ALDH18A1: variants seen among roughly 807,000 people sequenced by gnomAD.
ALDH18A1 encodes delta-1-pyrroline-5-carboxylate synthase.
A neutral mutation model predicts 88.8 loss-of-function variants in ALDH18A1; 44 were observed. The observed-to-expected ratio is 0.50, with a 90% confidence interval of 0.39 to 0.64. The LOEUF is 0.64. Among genes scored for constraint, ALDH18A1 ranks in the 30% least tolerant of loss-of-function variants. The pLI, the probability that ALDH18A1 is intolerant of heterozygous loss-of-function variation, is 0.00. For synonymous variants in ALDH18A1, 331 were observed against 372.1 expected (o/e 0.89, Z 1.27); for missense variants, 782 against 1,009.5 (o/e 0.77, Z 3.05).
intron 5 of ALDH18A1, among the ~76,000 whole-genome samples, chr10:95,633,871 C>G (rs1460513634): frequency 7.4e-6 from 1 of 134,904 alleles, no homozygotes; most frequent in African/African-American, 2.8e-5. Flanking sequence ...GGCCGTAATG[C>G]AGTGGCATAA....
chr10:95,642,152 G>T (rs757766680), intron 3 of ALDH18A1, among the ~76,000 whole-genome samples: 5 of 152,148 alleles, frequency 3.3e-5, no homozygotes, highest in Admixed American at 6.5e-5. Flanking sequence ...TTATCTGTGG[G>T]ATGCCTGGAT....
chr10:95,621,354 C>G (rs1488909538), intron 11 of ALDH18A1, 103 bp from the exon 12 acceptor site: 2 of 1,079,042 alleles, frequency 1.9e-6, no homozygotes, highest in Non-Finnish European at 2.7e-6. Context: ...GGGTCTCACT[C>G]TGACGCCCAG....
At position 95,637,147 on chromosome 10, in the gene ALDH18A1, C is replaced by T. The variant is rs2097882240; in HGVS notation, c.504G>A (p.Gly168=). Residue 168 remains glycine (G), a synonymous_variant, in exon 5 of 18, where the codon GGG becomes GGA. Coordinates refer to ENST00000371224, the MANE Select transcript of ALDH18A1 (RefSeq NM_002860.4). ...ACATAGCCTCATACAAGGCCATCAGCCCACTCTGTCCGGCAGCTGCACAGG... is the reference window on the plus strand; with the variant it reads ...ACATAGCCTCATACAAGGCCATCAGTCCACTCTGTCCGGCAGCTGCACAGG... The part of the protein sequence containing the change: ...ARACAAAGQS[G]LMALYEAMFT... 6.2e-7 allele frequency: 1 copy of T among 1,614,164 alleles called. No individual in the cohort carries two copies. Among genetic ancestry groups the T allele is most frequent in the Non-Finnish European group, 8.5e-7 (1 of 1,180,034 alleles).
intron 1 of ALDH18A1, among the ~76,000 whole-genome samples, chr10:95,655,824 A>G (rs1312432183): frequency 6.6e-6 from 1 of 152,206 alleles, no homozygotes; most frequent in African/African-American, 2.4e-5. Flanking sequence ...ATTTCTCAAT[A>G]TCTCTTTACA....
chr10:95,650,951 T>C lies in ALDH18A1; in HGVS notation c.88+2339A>G, dbSNP rs377737716. 5.9e-5 allele frequency among the ~76,000 whole-genome samples: 9 copies of C among 152,060 alleles called. No individual in the cohort carries two copies. In the East Asian group the frequency reaches 7.7e-4, roughly 13 times the overall value. On this transcript the variant is annotated intron_variant, in intron 2 of 17. Transcript: ENST00000371224. ...GAGTTTGACACCAGCCTGGCCAACA[T>C]GGTAAAACCCTGTTTCTACTAAAAA...
chr10:95,611,694 G>A (rs1427524468), intron 15 of ALDH18A1, among the ~76,000 whole-genome samples: 2 of 152,180 alleles, frequency 1.3e-5, no homozygotes, highest in African/African-American at 2.4e-5. Context: ...AAGGTGGGCC[G>A]GGCATGGTGG....
In ALDH18A1 at chr10:95,606,878, G is replaced by A; in HGVS notation, c.2272C>T (p.Leu758Phe). 6.2e-7 allele frequency: 1 copy of A among 1,614,178 alleles called. No homozygotes were observed. The highest frequency in any genetic ancestry group is 8.5e-7 in the Non-Finnish European group (1 of 1,180,024). Residue 758 changes from leucine to phenylalanine, a missense_variant, in exon 18 of 18, where the codon CTT becomes TTT. Around this residue, in one of 3 missense-constraint regions of ALDH18A1, gnomAD observed 556 missense variants for 654.5 expected, o/e 0.85. Coordinates refer to ENST00000371224, the MANE Select transcript of ALDH18A1 (RefSeq NM_002860.4). ...CCTCGCAGCAGCCACTTAGTAGTAA[G>A]CAGTCCCTCAAGTCCTACTGGTCCC... ...ARGPVGLEGL[L>F]TTKWLLRGKD...
At chr10:95,622,866 A>G (rs942457949) in intron 11 of ALDH18A1, among the ~76,000 whole-genome samples, 3 of 152,286 alleles carry the variant, frequency 2.0e-5, no homozygotes, top group South Asian at 4.1e-4. Context: ...AGTAGTATGC[A>G]TGATGTGATT....
At chr10:95,627,672 G>T in intron 8 of ALDH18A1, 86 bp from the exon 9 acceptor site, 1 of 1,509,054 alleles carries the variant, frequency 6.6e-7, no homozygotes, top group Non-Finnish European at 9.2e-7. Context: ...TAAAATACAA[G>T]TTGATATTGA....
Position 95,633,718 on chromosome 10 carries a change from C to T in ALDH18A1, c.559-69G>A, listed in dbSNP as rs11188409. The T allele has an allele frequency of 0.23, 364,947 of 1,557,438 alleles. 45,279 individuals carry two copies. The highest frequency in any genetic ancestry group is 0.52 in the East Asian group (22,816 of 43,552). On this transcript the variant is annotated intron_variant, in intron 5 of 17. Coordinates refer to ENST00000371224, the MANE Select transcript of ALDH18A1 (RefSeq NM_002860.4). Reference sequence around the variant, plus strand: ...GCTAAACTTCCCAGTATACAAAAGACGCTAAGAGCAGGGGAGTTAAACTTT... The same window carrying T: ...GCTAAACTTCCCAGTATACAAAAGATGCTAAGAGCAGGGGAGTTAAACTTT...
Position 95,642,982 on chromosome 10 carries a change from T to A in ALDH18A1, c.303+10A>T, listed in dbSNP as rs774979696. 5.1e-5 allele frequency: 83 copies of A among 1,612,776 alleles called. No homozygotes were observed. Among genetic ancestry groups the A allele is most frequent in the Non-Finnish European group, 7.0e-5 (82 of 1,179,854 alleles). ...TTTTAGTACAGCATAATTTCTATCT[T>A]GGCAATCACCTGCTCAACAATAGAT... is the stretch of plus-strand genomic sequence containing the variant. On this transcript the variant is annotated intron_variant, in intron 3 of 17. Transcript: ENST00000371224.
chr10:95,613,672 G>T (rs1424084948), intron 15 of ALDH18A1, 70 bp downstream of exon 15: 1 of 1,448,734 alleles, frequency 6.9e-7, no homozygotes, highest in Non-Finnish European at 9.6e-7. Context: ...TATATGGTAT[G>T]GCTGTGCCTG....
intron 17 of ALDH18A1, among the ~76,000 whole-genome samples, chr10:95,608,535 ACT>A (rs1244237701): frequency 1.3e-5 from 2 of 152,114 alleles, no homozygotes; most frequent in Non-Finnish European, 2.9e-5. Context: ...ATAGGGCCTC[ACT>A]CTCTCCCAGG....
intron 3 of ALDH18A1, among the ~76,000 whole-genome samples, chr10:95,641,882 T>A (rs1334454505): frequency 6.6e-6 from 1 of 152,082 alleles, no homozygotes; most frequent in Non-Finnish European, 1.5e-5. Context: ...GCTCAAGCAA[T>A]CCTTCTGCCT....
intron 17 of ALDH18A1, among the ~76,000 whole-genome samples, chr10:95,607,528 G>T (rs570376033): frequency 8.1e-6 from 1 of 123,102 alleles, no homozygotes; most frequent in Admixed American, 8.0e-5. Flanking sequence ...GTGGAGGCAG[G>T]GTTCCCTCAA....
At chr10:95,653,436 A>G (rs2097913512) in intron 1 of ALDH18A1, 31 bp from the exon 2 acceptor site, 2 of 1,549,372 alleles carry the variant, frequency 1.3e-6, no homozygotes, top group Non-Finnish European at 1.8e-6. Context: ...AAAGTGAGTA[A>G]TGAAAAATAC....
intron 1 of ALDH18A1, among the ~76,000 whole-genome samples, chr10:95,655,442 A>G (rs1433046156): frequency 6.6e-6 from 1 of 152,214 alleles, no homozygotes; most frequent in Non-Finnish European, 1.5e-5. Flanking sequence ...GGGAACAAAG[A>G]ATTCAACGAA....
At position 95,610,396 on chromosome 10, in the gene ALDH18A1, C is replaced by A. The variant is rs373708599; in HGVS notation, c.2111-104G>T. 8.2e-5 allele frequency: 83 copies of A among 1,017,950 alleles called. 2 individuals are homozygous for A. The South Asian group carries it at 1.1e-3, about 13-fold the overall frequency. 63.1% of individuals were successfully genotyped at this position (1,017,950 alleles called of 1,614,324 possible). A position where few individuals can be genotyped will look rare whatever the true frequency, so the allele number is the denominator to read the frequency against. On this transcript the variant is annotated intron_variant, in intron 16 of 17. Coordinates refer to ENST00000371224, the MANE Select transcript of ALDH18A1 (RefSeq NM_002860.4). ...GATCAGGGCAGGGTCTGGGTCCCCA[C>A]TGGGGCCTCTCCATGTGTTCTCACG...
chr10:95,606,318 A>T lies in ALDH18A1; in HGVS notation c.*444T>A, dbSNP rs534420212. On this transcript the variant is annotated 3_prime_UTR_variant, in exon 18 of 18. Transcript: ENST00000371224. ...AAAAAGAAGAGTTGCCCCTTTTCTA[A>T]AATTCCAAATCTTTCCTTTTTGAAG... is the stretch of plus-strand genomic sequence containing the variant. 27 of 1,001,474 alleles carry T rather than the reference A, an allele frequency of 2.7e-5. No individual in the cohort carries two copies. In the South Asian group the frequency reaches 8.7e-4, roughly 32 times the overall value. The allele number at this position is 1,001,474 out of a possible 1,614,324, so 62.0% of individuals were successfully genotyped here. A position where few individuals can be genotyped will look rare whatever the true frequency, so the allele number is the denominator to read the frequency against.
Sources: allele counts gnomAD v4.1 joint callset (sites outside exome capture counted in the v4.1 genomes callset), GRCh38; gene constraint gnomAD v4.1.1; regional missense constraint gnomAD v4.1.1; transcripts MANE v1.5; gene names NCBI Gene and HGNC (gene_info 2026-07-23, HGNC 2026-07-21).